Variants in LATS1 observed in about 807,000 individuals in gnomAD.
LATS1 encodes serine/threonine-protein kinase LATS1.
LATS1 carries 25 observed loss-of-function variants against 106.6 expected under a neutral mutation model. The ratio of observed to expected loss-of-function variants is 0.23; its 90% confidence interval spans 0.17 to 0.33. LATS1 has a LOEUF of 0.33. Ranked by LOEUF, LATS1 falls within the 10% of genes least tolerant of loss-of-function variation. LATS1 has a pLI of 1.00. For missense variants in LATS1, 1,040 were observed against 1,382.6 expected (o/e 0.75, Z 3.93); for synonymous variants, 465 against 455.6 (o/e 1.02, Z -0.26).
chr6:149,695,749 T>C (rs1295646509), intron 2 of LATS1, among the ~76,000 whole-genome samples: 1 of 152,074 alleles, frequency 6.6e-6, no homozygotes, highest in East Asian at 1.9e-4. Flanking sequence ...TTCATCTTTA[T>C]GTAACATATT....
At position 149,697,033 on chromosome 6, in the gene LATS1, T is replaced by G. The variant is rs751667065; in HGVS notation, c.349-1812A>C. Reference sequence around the variant, plus strand: ...TATGTTTTATATAAACATAAATCACTCACTATCATGCAGAAAGTATGTTGA... The same window carrying G: ...TATGTTTTATATAAACATAAATCACGCACTATCATGCAGAAAGTATGTTGA... On this transcript the variant is annotated intron_variant, in intron 2 of 7. Transcript: ENST00000543571. 4.6e-6 allele frequency: 3 copies of G among 655,752 alleles called. No individual in the cohort carries two copies. In the Admixed American group the frequency reaches 6.9e-5, roughly 15 times the overall value. The allele number at this position is 655,752 out of a possible 1,614,324, so 40.6% of individuals were successfully genotyped here.
chr6:149,678,563 T>C (rs1781859335), intron 5 of LATS1, among the ~76,000 whole-genome samples: 1 of 152,220 alleles, frequency 6.6e-6, no homozygotes, highest in African/African-American at 2.4e-5. Context: ...TCAATCTACT[T>C]GTGTTCACAG....
At chr6:149,710,287 T>C (rs1784015907) in intron 1 of LATS1, among the ~76,000 whole-genome samples, 1 of 152,212 alleles carries the variant, frequency 6.6e-6, no homozygotes, top group Non-Finnish European at 1.5e-5. Flanking sequence ...ATAGATCTCT[T>C]AAAATATTTT....
intron 4 of LATS1, among the ~76,000 whole-genome samples, chr6:149,681,929 A>G (rs1341388630): frequency 6.6e-6 from 1 of 152,060 alleles, no homozygotes. Context: ...CCTGGCCAAC[A>G]TGGTGAAACC....
chr6:149,716,832 T>C (rs1233036317), intron 1 of LATS1, among the ~76,000 whole-genome samples: 1 of 152,184 alleles, frequency 6.6e-6, no homozygotes, highest in Non-Finnish European at 1.5e-5. Context: ...CATTTTACCG[T>C]CAGAGATAAT....
intron 2 of LATS1, among the ~76,000 whole-genome samples, chr6:149,696,559 TAAAAAAAAAAAAAA>T (rs372769091): frequency 6.5e-5 from 3 of 45,822 alleles, no homozygotes; most frequent in East Asian, 1.7e-3. Context: ...AACTCCGTCT[TAAAAAAAAAAAAAA>T]AAAAAAAAAA....
At chr6:149,696,167 A>T (rs148157137) in intron 2 of LATS1, among the ~76,000 whole-genome samples, 3,440 of 150,274 alleles carry the variant, frequency 0.023, 140 homozygotes, top group African/African-American at 0.081. Flanking sequence ...TCGGCCTCCC[A>T]AAGTGCTGGG....
intron 2 of LATS1, chr6:149,697,277 C>T (rs752776529): frequency 1.7e-6 from 1 of 599,586 alleles, no homozygotes; most frequent in Non-Finnish European, 2.7e-6. Context: ...TTCTCCCTTT[C>T]TTAGAAAAAG....
Position 149,679,862 on chromosome 6 carries a change from T to G in LATS1, c.2593+13A>C. ...TATGAACAAACTAAAATAAATTTTA[T>G]GAGTTTACTTACCACTCTGATAGTA... On this transcript the variant is annotated intron_variant, in intron 5 of 7. Transcript: ENST00000543571. The G allele has an allele frequency of 6.6e-7, 1 of 1,508,720 alleles. No homozygotes were observed. Among genetic ancestry groups the G allele is most frequent in the Non-Finnish European group, 8.9e-7 (1 of 1,118,054 alleles). 93.5% of individuals were successfully genotyped at this position (1,508,720 alleles called of 1,614,324 possible).
rs146316560 is a variant in LATS1, at chr6:149,697,098, T to C, written c.349-1877A>G. The C allele has an allele frequency of 5.3e-5, 69 of 1,313,466 alleles. No individual in the cohort carries two copies. In the East Asian group the frequency reaches 2.7e-3, roughly 52 times the overall value. 81.4% of individuals were successfully genotyped at this position (1,313,466 alleles called of 1,614,324 possible). On this transcript the variant is annotated intron_variant, in intron 2 of 7. Transcript: ENST00000543571. ...GAGGGAGGCAACTACTTACTTGTCC[T>C]AGAGGATTCAGTATTTCAAACGACA...
chr6:149,678,179 A>AT (rs1562327078), intron 5 of LATS1, among the ~76,000 whole-genome samples: 18 of 147,226 alleles, frequency 1.2e-4, no homozygotes, highest in African/African-American at 3.5e-4. Context: ...AAAAAAAAAA[A>AT]AAAAAAAAAA....
chr6:149,677,610 C>T (rs1394403138), intron 5 of LATS1, among the ~76,000 whole-genome samples: 3 of 152,050 alleles, frequency 2.0e-5, no homozygotes, highest in African/African-American at 4.8e-5. Context: ...GTGAAGATAG[C>T]CAGGAAGCAG....
chr6:149,668,108 G>A (rs1389539580), intron 7 of LATS1, among the ~76,000 whole-genome samples: 6 of 152,110 alleles, frequency 3.9e-5, no homozygotes, highest in Non-Finnish European at 5.9e-5. Flanking sequence ...TAGTAGAGAC[G>A]GGGTTTCAAC....
chr6:149,661,909 A>T lies in LATS1; in HGVS notation c.3213T>A (p.Pro1071=). The T allele has an allele frequency of 4.3e-6, 7 of 1,614,002 alleles. No homozygotes were observed. In the South Asian group the frequency reaches 7.7e-5, roughly 18 times the overall value. Residue 1071 remains proline, a synonymous_variant, in exon 8 of 8, where the codon CCT becomes CCA. Coordinates refer to ENST00000543571, the MANE Select transcript of LATS1 (RefSeq NM_004690.4). ...LNGWYKNGKH[P]EHAFYEFTFR... The stretch of plus-strand genomic sequence containing the variant: ...AGGTAAATTCATAGAATGCATGTTC[A>T]GGATGCTTTCCATTTTTATACCATC...
At chr6:149,690,365 C>T (rs1223370996) in intron 3 of LATS1, among the ~76,000 whole-genome samples, 1 of 151,134 alleles carries the variant, frequency 6.6e-6, no homozygotes, top group Non-Finnish European at 1.5e-5. Context: ...AGGCATGCAC[C>T]ACCACGCCCA....
At chr6:149,676,482 A>T in intron 6 of LATS1, 73 bp downstream of exon 6, 4 of 1,430,704 alleles carry the variant, frequency 2.8e-6, no homozygotes, top group Non-Finnish European at 3.9e-6. Context: ...AGCCTGAAAA[A>T]TAAGGCATAT....
Position 149,661,812 on chromosome 6 carries a change from A to G in LATS1, c.3310T>C (p.Ser1104Pro). The G allele has an allele frequency of 6.2e-7, 1 of 1,612,532 alleles. No homozygotes were observed. Among genetic ancestry groups the G allele is most frequent in the East Asian group, 2.2e-5 (1 of 44,860 alleles). Residue 1104 changes from serine to proline, a missense_variant, in exon 8 of 8, where the codon TCA (serine) becomes CCA (proline). By Grantham distance (74) the Ser-to-Pro change is moderately conservative. This residue lies in a region of LATS1 where 46 missense variants were observed against 42.4 expected (regional missense o/e 1.09). Coordinates refer to ENST00000543571, the MANE Select transcript of LATS1 (RefSeq NM_004690.4). ...PKPIEYEYIN[S>P]QGSEQQSDED... is the part of the protein sequence containing the mutation. ...TCCGACTGCTGCTCTGAGCCTTGTG[A>G]ATTAATGTATTCATATTCAATAGGC...
At position 149,659,166 on chromosome 6, in the gene LATS1, T is replaced by G. The variant is rs2114668154; in HGVS notation, c.*2563A>C. 1 of 171,678 alleles carries G rather than the reference T, an allele frequency of 5.8e-6. No homozygotes were observed. Among genetic ancestry groups the G allele is most frequent in the East Asian group, 1.1e-4 (1 of 9,216 alleles). The allele number at this position is 171,678 out of a possible 1,614,324, so 10.6% of individuals were successfully genotyped here. ...AAAAGCTTATAGTATCAGAGGAAATTTTAAAAGAATACATATTTGCGCCAG... is the reference window on the plus strand; with the variant it reads ...AAAAGCTTATAGTATCAGAGGAAATGTTAAAAGAATACATATTTGCGCCAG... On this transcript the variant is annotated 3_prime_UTR_variant, in exon 8 of 8. Transcript: ENST00000543571.
At chr6:149,668,044 C>T (rs995465620) in intron 7 of LATS1, among the ~76,000 whole-genome samples, 2 of 152,118 alleles carry the variant, frequency 1.3e-5, no homozygotes, top group African/African-American at 4.8e-5. Flanking sequence ...CCTCAGCTTC[C>T]CAAGTAGCTG....
Sources: allele counts gnomAD v4.1 joint callset (sites outside exome capture counted in the v4.1 genomes callset), GRCh38; gene constraint gnomAD v4.1.1; regional missense constraint gnomAD v4.1.1; transcripts MANE v1.5; gene names NCBI Gene and HGNC (gene_info 2026-07-23, HGNC 2026-07-21).